Variants in RORA observed in about 807,000 individuals in gnomAD.
RORA encodes the protein nuclear receptor ROR-alpha.
Under a neutral mutation model 69.5 loss-of-function variants are expected in RORA, and 7 were observed. That is an observed-to-expected ratio of 0.10 (90% confidence interval 0.06 to 0.19). The LOEUF is 0.19. RORA is among the 10% of genes least tolerant of loss of function. The pLI is 1.00. For missense variants in RORA, 457 were observed against 663.0 expected (o/e 0.69, Z 3.41); for synonymous variants, 261 against 240.8 (o/e 1.08, Z -0.78).
At chr15:60,702,762 G>T (rs1019587414) in intron 1 of RORA, among the ~76,000 whole-genome samples, 2 of 152,190 alleles carry the variant, frequency 1.3e-5, no homozygotes, top group Admixed American at 6.5e-5. Flanking sequence ...ACTGGCATGA[G>T]ATTTTTCTAT....
At chr15:60,648,795 A>G (rs558839887) in intron 2 of RORA, among the ~76,000 whole-genome samples, 1 of 152,322 alleles carries the variant, frequency 6.6e-6, no homozygotes, top group South Asian at 2.1e-4. Context: ...TCTAAGCACC[A>G]TCCACTCTTT....
chr15:61,205,254 T>C (rs1451955579), intron 1 of RORA, among the ~76,000 whole-genome samples: 3 of 152,214 alleles, frequency 2.0e-5, no homozygotes, highest in Non-Finnish European at 4.4e-5. Flanking sequence ...CTTCAGCAAC[T>C]TCTCTGTTAG....
At chr15:60,632,731 C>A (rs1317114913) in intron 2 of RORA, among the ~76,000 whole-genome samples, 1 of 152,060 alleles carries the variant, frequency 6.6e-6, no homozygotes. Context: ...TTAGCTGAGG[C>A]ACAAGTTTTG....
intron 1 of RORA, among the ~76,000 whole-genome samples, chr15:60,864,745 T>C (rs1452679913): frequency 6.6e-6 from 1 of 152,206 alleles, no homozygotes; most frequent in Non-Finnish European, 1.5e-5. Flanking sequence ...AACTTACACA[T>C]GATCTATCAG....
chr15:60,631,062 G>T (rs1477113165), intron 2 of RORA, among the ~76,000 whole-genome samples: 1 of 151,872 alleles, frequency 6.6e-6, no homozygotes, highest in Non-Finnish European at 1.5e-5. Context: ...GCTAATTTTT[G>T]TATTTTTAGT....
intron 2 of RORA, among the ~76,000 whole-genome samples, chr15:60,611,765 C>G (rs2069098927): frequency 6.6e-6 from 1 of 152,044 alleles, no homozygotes; most frequent in African/African-American, 2.4e-5. Flanking sequence ...CTCACTCTTT[C>G]ATCACTGCAC....
chr15:60,501,970 G>C (rs1260777182), intron 8 of RORA, among the ~76,000 whole-genome samples: 1 of 151,892 alleles, frequency 6.6e-6, no homozygotes, highest in Non-Finnish European at 1.5e-5. Flanking sequence ...TTAAATTATA[G>C]AAATCCAAAA....
chr15:60,968,925 A>G (rs1289150623), intron 1 of RORA, among the ~76,000 whole-genome samples: 1 of 152,208 alleles, frequency 6.6e-6, no homozygotes, highest in African/African-American at 2.4e-5. Context: ...TTCTTCCTCA[A>G]TCTGAAACAG....
At chr15:60,876,887 A>T (rs1447954856) in intron 1 of RORA, among the ~76,000 whole-genome samples, 1 of 152,126 alleles carries the variant, frequency 6.6e-6, no homozygotes, top group East Asian at 1.9e-4. Flanking sequence ...TTCACTTGCG[A>T]GTGGGAGCTA....
At chr15:60,778,932 C>G (rs573801577) in intron 1 of RORA, among the ~76,000 whole-genome samples, 1 of 152,032 alleles carries the variant, frequency 6.6e-6, no homozygotes, top group Admixed American at 6.5e-5. Flanking sequence ...TTAGACACAC[C>G]CCAGAACTCA....
At chr15:61,068,943 T>C (rs1048331579) in intron 1 of RORA, among the ~76,000 whole-genome samples, 4 of 152,250 alleles carry the variant, frequency 2.6e-5, no homozygotes, top group African/African-American at 9.6e-5. Context: ...CCTGACAATA[T>C]AGAAACTCTT....
intron 4 of RORA, among the ~76,000 whole-genome samples, chr15:60,513,585 G>A (rs866421321): frequency 2.6e-5 from 4 of 152,154 alleles, no homozygotes; most frequent in Non-Finnish European, 4.4e-5. Flanking sequence ...TAGTACCATC[G>A]GAAGATGAAA....
At position 61,213,531 on chromosome 15, in the gene RORA, T is replaced by C. The variant is rs2140939515; in HGVS notation, c.166+15522A>G. Reference sequence around the variant, plus strand: ...CTCAGGCCAAGCTACATCTCACTTATGTTACCTGAATGTGCCATGAACTCT... The same window carrying C: ...CTCAGGCCAAGCTACATCTCACTTACGTTACCTGAATGTGCCATGAACTCT... On this transcript the variant is annotated intron_variant, in intron 1 of 10. Transcript: ENST00000335670. The surrounding 1 kb of genome is among the most constrained non-coding windows in gnomAD (Gnocchi z 4.1). Among the ~76,000 whole-genome samples the C allele has an allele frequency of 6.6e-6, 1 of 152,280 alleles. No homozygotes were observed. The highest frequency in any genetic ancestry group is 2.1e-4 in the South Asian group (1 of 4,820).
In RORA at chr15:60,588,437, T is replaced by C. The variant is rs2068398101; in HGVS notation, c.197-56586A>G. 4.4e-5 allele frequency among the ~76,000 whole-genome samples: 6 copies of C among 135,692 alleles called. No homozygotes were observed. The Admixed American group carries it at 4.5e-4, about 10-fold the overall frequency. The allele number at this position is 135,692 out of a possible 152,430, so 89.0% of individuals were successfully genotyped here. A position where few individuals can be genotyped will look rare whatever the true frequency, so the allele number is the denominator to read the frequency against. Reference sequence around the variant, plus strand: ...GAAAACTGAACCCTACATCTACCTCTGCAAATCTATTCATCCATCCATCCA... The same window carrying C: ...GAAAACTGAACCCTACATCTACCTCCGCAAATCTATTCATCCATCCATCCA... On this transcript the variant is annotated intron_variant, in intron 2 of 10. Coordinates refer to ENST00000335670, the MANE Select transcript of RORA (RefSeq NM_134261.3).
At chr15:60,567,792 T>C (rs191568492) in intron 2 of RORA, among the ~76,000 whole-genome samples, 38 of 152,374 alleles carry the variant, frequency 2.5e-4, no homozygotes, top group African/African-American at 7.9e-4. Context: ...CTTTTGGTAA[T>C]GCATTACTTT....
intron 1 of RORA, among the ~76,000 whole-genome samples, chr15:61,080,851 C>T (rs2078528745): frequency 6.6e-6 from 1 of 152,220 alleles, no homozygotes; most frequent in Non-Finnish European, 1.5e-5. Context: ...ACAGTATCTT[C>T]TTGCTCTCCT....
intron 2 of RORA, among the ~76,000 whole-genome samples, chr15:60,578,766 T>TG (rs991709763): frequency 7.8e-6 from 1 of 127,486 alleles, no homozygotes; most frequent in African/African-American, 2.9e-5. Context: ...TAAATGAAAC[T>TG]TTTTTTTTTT....
intron 2 of RORA, among the ~76,000 whole-genome samples, chr15:60,548,724 A>G (rs1015157894): frequency 3.3e-5 from 5 of 151,834 alleles, no homozygotes; most frequent in South Asian, 4.2e-4. Flanking sequence ...TGCAACCTCC[A>G]CCTCCCAGGT....
chr15:60,657,399 C>G (rs1397406190), intron 2 of RORA, among the ~76,000 whole-genome samples: 2 of 152,184 alleles, frequency 1.3e-5, no homozygotes, highest in African/African-American at 2.4e-5. Context: ...CCACAGAGCT[C>G]TGGACAATGG....
Sources: allele counts gnomAD v4.1 joint callset (sites outside exome capture counted in the v4.1 genomes callset), GRCh38; gene constraint gnomAD v4.1.1; non-coding constraint Gnocchi (gnomAD v3.1); transcripts MANE v1.5; gene names NCBI Gene and HGNC (gene_info 2026-07-23, HGNC 2026-07-21).